Variants in SLC5A1 observed in about 807,000 individuals in gnomAD.
SLC5A1 encodes solute carrier family 5 member 1, also known as sodium/glucose cotransporter 1.
A neutral mutation model predicts 73.5 loss-of-function variants in SLC5A1; 42 were observed. That is an observed-to-expected ratio of 0.57 (90% CI 0.45 to 0.74). The LOEUF is 0.74. SLC5A1 is among the 30% of genes least tolerant of loss of function. SLC5A1 has a pLI of 0.00. For missense variants in SLC5A1, 634 were observed against 855.4 expected (o/e 0.74, Z 3.23); for synonymous variants, 300 against 317.4 (o/e 0.95, Z 0.58).
chr22:32,068,849 T>C (rs2093978425), intron 5 of SLC5A1, among the ~76,000 whole-genome samples: 1 of 152,190 alleles, frequency 6.6e-6, no homozygotes, highest in Middle Eastern at 3.2e-3. Context: ...AAGCAGTTCT[T>C]AATAGAAGAT....
intron 2 of SLC5A1, among the ~76,000 whole-genome samples, chr22:32,059,737 CT>C (rs1440347528): frequency 3.3e-5 from 5 of 152,168 alleles, no homozygotes; most frequent in African/African-American, 1.2e-4. Flanking sequence ...CCTCTGAGAA[CT>C]CTCACAATCC....
intron 4 of SLC5A1, 81 bp from the exon 5 acceptor site, chr22:32,068,415 T>TTA (rs2093977627): frequency 1.1e-6 from 1 of 907,272 alleles, no homozygotes; most frequent in African/African-American, 1.6e-5. Context: ...GGCTCTGATA[T>TTA]TAGGATGGTG....
At chr22:32,057,371 A>G (rs1054195636) in intron 2 of SLC5A1, among the ~76,000 whole-genome samples, 5 of 152,112 alleles carry the variant, frequency 3.3e-5, no homozygotes, top group Admixed American at 1.3e-4. Context: ...GGCTCAAAGG[A>G]TCCTCCTTCC....
chr22:32,050,869 T>G (rs117592915), intron 2 of SLC5A1, among the ~76,000 whole-genome samples: 1,936 of 152,252 alleles, frequency 0.013, 17 homozygotes, highest in South Asian at 0.025. Context: ...CTGAGTAACA[T>G]GAAACCATGA....
chr22:32,067,878 T>C (rs1231733558), intron 3 of SLC5A1, 89 bp from the exon 4 acceptor site: 9 of 1,384,444 alleles, frequency 6.5e-6, no homozygotes, highest in Non-Finnish European at 9.3e-6. Flanking sequence ...TGCTGGGTAA[T>C]TTTTCTGCAG....
Position 32,099,362 on chromosome 22 carries a change from T to C in SLC5A1, c.1449+11T>C. The C allele has an allele frequency of 6.2e-7, 1 of 1,609,752 alleles. No homozygotes were observed. On this transcript the variant is annotated intron_variant, in intron 12 of 14. Coordinates refer to ENST00000266088, the MANE Select transcript of SLC5A1 (RefSeq NM_000343.4). ...AGAGTCAATGAGCCAGTAGGTATCA[T>C]CTGGGCATGTCCAGAAAAGTCATTC...
At chr22:32,046,136 C>T (rs527411728) in intron 1 of SLC5A1, among the ~76,000 whole-genome samples, 4 of 152,192 alleles carry the variant, frequency 2.6e-5, no homozygotes, top group African/African-American at 9.7e-5. Flanking sequence ...GGGAGCCCAA[C>T]CTTTCTGTTT....
chr22:32,050,072 A>G (rs760726658), intron 2 of SLC5A1, 58 bp downstream of exon 2: 48 of 1,435,276 alleles, frequency 3.3e-5, no homozygotes, highest in Middle Eastern at 3.5e-4. Context: ...CCCTTTAGGA[A>G]CTCATTTTCT....
intron 5 of SLC5A1, among the ~76,000 whole-genome samples, chr22:32,070,144 T>TA (rs2093980340): frequency 1.3e-5 from 2 of 151,400 alleles, no homozygotes; most frequent in South Asian, 4.2e-4. Context: ...GCGACTGGGG[T>TA]ACCTTTGAAA....
chr22:32,070,411 C>G (rs2093981202), intron 5 of SLC5A1, among the ~76,000 whole-genome samples: 2 of 151,400 alleles, frequency 1.3e-5, no homozygotes, highest in South Asian at 4.2e-4. Context: ...TAGCTCAGTG[C>G]AGCCTCTACC....
intron 12 of SLC5A1, 34 bp from the exon 13 acceptor site, chr22:32,101,988 T>G (rs1227109066): frequency 6.6e-7 from 1 of 1,520,920 alleles, no homozygotes; most frequent in South Asian, 1.1e-5. Flanking sequence ...TTTTGTGTGT[T>G]CAGCATGAGT....
intron 14 of SLC5A1, among the ~76,000 whole-genome samples, chr22:32,109,213 G>A (rs763658503): frequency 6.6e-5 from 10 of 152,020 alleles, no homozygotes; most frequent in Non-Finnish European, 1.0e-4. Context: ...TGTAAAAATG[G>A]GAAAGTGCTT....
chr22:32,083,903 C>T (rs2094003871), intron 7 of SLC5A1, among the ~76,000 whole-genome samples: 1 of 152,180 alleles, frequency 6.6e-6, no homozygotes, highest in South Asian at 2.1e-4. Flanking sequence ...AGTGGAATGA[C>T]TTATTCAAGG....
At chr22:32,061,723 G>A (rs545154245) in intron 2 of SLC5A1, among the ~76,000 whole-genome samples, 270 of 152,328 alleles carry the variant, frequency 1.8e-3, no homozygotes, top group African/African-American at 6.2e-3. Context: ...GTACTGCCAA[G>A]AACTCATGGC....
At chr22:32,085,864 G>A (rs929096467) in intron 9 of SLC5A1, among the ~76,000 whole-genome samples, 2 of 152,178 alleles carry the variant, frequency 1.3e-5, no homozygotes, top group African/African-American at 4.8e-5. Context: ...AATTTTGGCC[G>A]GGCACGGTGG....
chr22:32,109,156 A>G (rs1230497226), intron 14 of SLC5A1, among the ~76,000 whole-genome samples: 1 of 152,186 alleles, frequency 6.6e-6, no homozygotes, highest in Non-Finnish European at 1.5e-5. Context: ...CCTGGGCAAC[A>G]GAGCAAGACT....
At chr22:32,087,217 T>C (rs2094009731) in intron 10 of SLC5A1, among the ~76,000 whole-genome samples, 1 of 152,198 alleles carries the variant, frequency 6.6e-6, no homozygotes, top group African/African-American at 2.4e-5. Context: ...TATTGTATAC[T>C]TGAAAATTGC....
chr22:32,069,031 AATGG>A (rs1458770567), intron 5 of SLC5A1, among the ~76,000 whole-genome samples: 1 of 152,192 alleles, frequency 6.6e-6, no homozygotes, highest in East Asian at 1.9e-4. Context: ...TTAACGGATG[AATGG>A]ATGAAGAATA....
At chr22:32,049,558 C>G (rs1256479338) in intron 1 of SLC5A1, among the ~76,000 whole-genome samples, 1 of 149,792 alleles carries the variant, frequency 6.7e-6, no homozygotes, top group Middle Eastern at 3.2e-3. Flanking sequence ...CCCAGCTACT[C>G]AGGAGGCTAA....
Sources: allele counts gnomAD v4.1 joint callset (sites outside exome capture counted in the v4.1 genomes callset), GRCh38; gene constraint gnomAD v4.1.1; transcripts MANE v1.5; gene names NCBI Gene and HGNC (gene_info 2026-07-23, HGNC 2026-07-21).